FMN1: variants seen among roughly 807,000 people sequenced by gnomAD.
FMN1 encodes the protein formin 1.
A neutral mutation model predicts 132.4 loss-of-function variants in FMN1; 110 were observed. The ratio of observed to expected loss-of-function variants is 0.83; its 90% CI spans 0.71 to 0.97. The LOEUF is 0.97. FMN1 is among the 50% of genes least tolerant of loss of function. The pLI is 0.00. For synonymous variants in FMN1, 722 were observed against 651.7 expected (o/e 1.11, Z -1.64); for missense variants, 1,792 against 1,705.3 (o/e 1.05, Z -0.90).
chr15:32,776,955 G>T, intron 19 of FMN1, 36 bp from the exon 20 acceptor site: 1 of 1,222,150 alleles, frequency 8.2e-7, no homozygotes. Flanking sequence ...GGGGAGAGAG[G>T]GAAAAGAAAG....
chr15:32,775,336 A>G (rs2056382068), intron 20 of FMN1, among the ~76,000 whole-genome samples: 2 of 152,094 alleles, frequency 1.3e-5, no homozygotes, highest in South Asian at 2.1e-4. Flanking sequence ...ACAATAAAAT[A>G]AGCAGCCCCA....
At chr15:32,856,389 A>G (rs1250374559) in intron 17 of FMN1, among the ~76,000 whole-genome samples, 1 of 152,182 alleles carries the variant, frequency 6.6e-6, no homozygotes, top group Non-Finnish European at 1.5e-5. Context: ...ACCCTGATAA[A>G]CAGAAGTTCC....
At chr15:32,970,764 T>C (rs1215309307) in intron 7 of FMN1, 3 of 150,562 alleles carry the variant, frequency 2.0e-5, no homozygotes, top group South Asian at 4.3e-4. Context: ...GATTGAATTA[T>C]GAAGAGATCT....
rs540217494 is a variant in FMN1, at chr15:33,082,053, G to GTGTGTGTGTGTGTGTGTGTGTGTT, written c.2043+6745_2043+6746insAACACACACACACACACACACACA. Among the ~76,000 whole-genome samples, 128 of 134,550 alleles carry GTGTGTGTGTGTGTGTGTGTGTGTT rather than the reference G, an allele frequency of 9.5e-4. 2 individuals are homozygous for GTGTGTGTGTGTGTGTGTGTGTGTT. Among genetic ancestry groups the GTGTGTGTGTGTGTGTGTGTGTGTT allele is most frequent in the African/African-American group, 3.2e-3 (117 of 36,814 alleles). The allele number at this position is 134,550 out of a possible 152,430, so 88.3% of individuals were successfully genotyped here. A position where few individuals can be genotyped will look rare whatever the true frequency, so the allele number is the denominator to read the frequency against. On this transcript the variant is annotated intron_variant, in intron 5 of 20. Coordinates refer to ENST00000616417, the MANE Select transcript of FMN1 (RefSeq NM_001277313.2). The stretch of plus-strand genomic sequence containing the variant: ...TGTGTGTGTGTGTGTGTGTGTGTGT[G>GTGTGTGTGTGTGTGTGTGTGTGTT]TAAGACGGAGTCTCGCTTTGTCACC...
chr15:32,883,483 C>T (rs972508440), intron 16 of FMN1, among the ~76,000 whole-genome samples: 2 of 116,354 alleles, frequency 1.7e-5, no homozygotes, highest in East Asian at 5.2e-4. Flanking sequence ...ACTCTCAAGC[C>T]TGGGCAATAG....
At chr15:32,832,143 A>T (rs2058518060) in intron 17 of FMN1, among the ~76,000 whole-genome samples, 1 of 152,204 alleles carries the variant, frequency 6.6e-6, no homozygotes, top group African/African-American at 2.4e-5. Context: ...GCTATACCCC[A>T]AAGAGTTTAT....
intron 16 of FMN1, among the ~76,000 whole-genome samples, chr15:32,863,607 T>C (rs969719279): frequency 2.6e-5 from 4 of 152,170 alleles, no homozygotes; most frequent in Non-Finnish European, 5.9e-5. Context: ...AACTAAGATT[T>C]CTTAATGGGT....
rs145279502 is a variant in FMN1 at position 33,136,686 on chromosome 15, T to C, written c.1867+16362A>G. ...CCTAAAAACAATGTTTTCTCTTTAA[T>C]TTCTATCACCTGTTTTAAAGGTATT... is the stretch of plus-strand genomic sequence containing the variant. On this transcript the variant is annotated intron_variant, in intron 4 of 20. Coordinates refer to ENST00000616417, the MANE Select transcript of FMN1 (RefSeq NM_001277313.2). Among the ~76,000 whole-genome samples, 954 of 152,330 alleles carry C rather than the reference T, an allele frequency of 6.3e-3. 10 individuals carry two copies. Among genetic ancestry groups the C allele is most frequent in the African/African-American group, 0.022 (919 of 41,574 alleles).
chr15:32,918,779 G>A (rs2060746852), intron 10 of FMN1, among the ~76,000 whole-genome samples: 2 of 152,116 alleles, frequency 1.3e-5, no homozygotes. Flanking sequence ...TTACATTCCA[G>A]GCAGATTGGA....
chr15:32,954,230 TTTG>T (rs1430656623), intron 9 of FMN1, among the ~76,000 whole-genome samples: 14 of 152,338 alleles, frequency 9.2e-5, no homozygotes, highest in African/African-American at 3.1e-4. Flanking sequence ...ATACCTTACA[TTTG>T]GGGGATTATT....
intron 4 of FMN1, among the ~76,000 whole-genome samples, chr15:33,146,835 C>T (rs1339222672): frequency 6.6e-6 from 1 of 152,066 alleles, no homozygotes; most frequent in Non-Finnish European, 1.5e-5. Context: ...GGGGTGGGGC[C>T]GCAGTGGTAT....
chr15:33,163,381 GC>G (rs1964972078), intron 3 of FMN1, among the ~76,000 whole-genome samples: 1 of 150,700 alleles, frequency 6.6e-6, no homozygotes, highest in Non-Finnish European at 1.5e-5. Flanking sequence ...CGCAACCTCT[GC>G]CTTCTGGATT....
chr15:33,097,609 A>T (rs2039138021), intron 4 of FMN1, among the ~76,000 whole-genome samples: 1 of 152,226 alleles, frequency 6.6e-6, no homozygotes, highest in African/African-American at 2.4e-5. Context: ...TAAAGTGTCG[A>T]AACCACCTTA....
At chr15:33,133,730 G>A (rs561681019) in intron 4 of FMN1, among the ~76,000 whole-genome samples, 54 of 152,208 alleles carry the variant, frequency 3.5e-4, no homozygotes, top group Non-Finnish European at 5.9e-4. Flanking sequence ...GTTTCTACCC[G>A]TTTTATAATA....
intron 3 of FMN1, among the ~76,000 whole-genome samples, chr15:33,161,151 G>C (rs1465771041): frequency 1.3e-5 from 2 of 152,196 alleles, no homozygotes; most frequent in African/African-American, 4.8e-5. Flanking sequence ...GCCCAACACG[G>C]CTAAGACAGA....
chr15:32,979,579 A>AG (rs2032489678), intron 7 of FMN1, among the ~76,000 whole-genome samples: 3 of 147,524 alleles, frequency 2.0e-5, no homozygotes, highest in African/African-American at 7.6e-5. Flanking sequence ...AAAAAAAAAA[A>AG]GAAACCATTC....
chr15:32,934,035 T>G (rs1214817337), intron 9 of FMN1, among the ~76,000 whole-genome samples: 2 of 152,034 alleles, frequency 1.3e-5, no homozygotes, highest in East Asian at 3.8e-4. Flanking sequence ...GTTTTGTAGC[T>G]TTTGTAGTTT....
chr15:32,980,924 A>G (rs1460723379), intron 7 of FMN1, among the ~76,000 whole-genome samples: 2 of 152,138 alleles, frequency 1.3e-5, no homozygotes, highest in African/African-American at 4.8e-5. Context: ...TGATGCATGG[A>G]AATTGCTTGA....
At chr15:33,024,414 T>C (rs958924800) in intron 6 of FMN1, among the ~76,000 whole-genome samples, 7 of 151,384 alleles carry the variant, frequency 4.6e-5, no homozygotes, top group East Asian at 1.9e-4. Context: ...GCCTGGCTAA[T>C]TTTTTGTATT....
Sources: allele counts gnomAD v4.1 joint callset (sites outside exome capture counted in the v4.1 genomes callset), GRCh38; gene constraint gnomAD v4.1.1; transcripts MANE v1.5; gene names NCBI Gene and HGNC (gene_info 2026-07-23, HGNC 2026-07-21).